Variants in LHPP observed in about 807,000 individuals in gnomAD.
LHPP encodes the protein hLHPP.
Under a neutral mutation model 30.3 loss-of-function variants are expected in LHPP, and 24 were observed. The observed-to-expected ratio is 0.79, with a 90% CI of 0.57 to 1.11. The LOEUF (loss-of-function observed/expected upper bound fraction) is 1.11, where lower values mean the gene tolerates loss of function less well. LHPP is among the 50% of genes most tolerant of loss of function. The pLI is 0.00. For synonymous variants in LHPP, 150 were observed against 157.1 expected, an observed-to-expected ratio of 0.95 and a Z score of 0.34; for missense variants, 356 against 367.2, an observed-to-expected ratio of 0.97 and a Z score of 0.25.
rs1048403149 is a variant in LHPP, at chr10:124,541,085, T to C, written c.716+23814T>C. On this transcript the variant is annotated intron_variant, in intron 6 of 6. Coordinates refer to ENST00000368842, the MANE Select transcript of LHPP (RefSeq NM_022126.4). This position sits in a 1 kb window ranked among gnomAD's most constrained non-coding sequence, Gnocchi z 4.2. ...GGAAGGGGCCCCCCAAATCACAAAG[T>C]GGCCCTGGGCCCTGGGATGGCCGGA... Among the ~76,000 whole-genome samples the C allele has an allele frequency of 6.6e-6, 1 of 152,176 alleles. No individual in the cohort carries two copies. The highest frequency in any genetic ancestry group is 2.4e-5 in the African/African-American group (1 of 41,430).
chr10:124,555,008 G>C (rs930439106), intron 6 of LHPP, among the ~76,000 whole-genome samples: 4 of 152,230 alleles, frequency 2.6e-5, no homozygotes, highest in African/African-American at 9.6e-5. Flanking sequence ...TGGCATTTTA[G>C]TCTCACTTTA....
intron 5 of LHPP, chr10:124,498,562 T>C: frequency 8.6e-7 from 1 of 1,168,212 alleles, no homozygotes; most frequent in Non-Finnish European, 1.2e-6. Flanking sequence ...TTCCAAATTT[T>C]AGAAAGGAAA....
chr10:124,489,265 G>A (rs890838585), intron 3 of LHPP, among the ~76,000 whole-genome samples: 3 of 152,220 alleles, frequency 2.0e-5, no homozygotes, highest in Admixed American at 6.5e-5. Context: ...CTATTTTGGT[G>A]TATGTCCTTG....
intron 6 of LHPP, among the ~76,000 whole-genome samples, chr10:124,573,901 T>G (rs973678881): frequency 6.6e-6 from 1 of 152,064 alleles, no homozygotes; most frequent in African/African-American, 2.4e-5. Context: ...ACGCTGATTT[T>G]GTTTACATGA....
At chr10:124,506,377 T>C (rs1954069625) in intron 5 of LHPP, among the ~76,000 whole-genome samples, 1 of 150,868 alleles carries the variant, frequency 6.6e-6, no homozygotes, top group Non-Finnish European at 1.5e-5. Flanking sequence ...CATCCCACTG[T>C]CCGCCCACTA....
At chr10:124,549,111 A>ATT (rs1299656434) in intron 6 of LHPP, among the ~76,000 whole-genome samples, 1 of 152,198 alleles carries the variant, frequency 6.6e-6, no homozygotes, top group Non-Finnish European at 1.5e-5. Context: ...CCACAAAACA[A>ATT]TTTTCCGCAA....
chr10:124,521,971 T>G (rs1954622164), intron 6 of LHPP, among the ~76,000 whole-genome samples: 1 of 152,108 alleles, frequency 6.6e-6, no homozygotes, highest in South Asian at 2.1e-4. Flanking sequence ...GGCAGTGAGA[T>G]CTCCTTGTCA....
intron 5 of LHPP, among the ~76,000 whole-genome samples, chr10:124,512,870 G>A (rs905142776): frequency 6.6e-6 from 1 of 152,066 alleles, no homozygotes; most frequent in Non-Finnish European, 1.5e-5. Flanking sequence ...CCCTCTTTCT[G>A]TGGTCCCCTT....
chr10:124,462,222 C>T lies in LHPP; in HGVS notation c.125+235C>T, dbSNP rs186729256. The stretch of plus-strand genomic sequence containing the variant: ...CTGCGCGGTCAGACAGGGCGGCCAC[C>T]TGGTACGTGCGCTGCTGAGCGCTTG... On this transcript the variant is annotated intron_variant, in intron 1 of 6. Transcript: ENST00000368842. 8.6e-4 allele frequency among the ~76,000 whole-genome samples: 131 copies of T among 152,326 alleles called. 2 individuals carry two copies. The East Asian group carries it at 0.018, about 21-fold the overall frequency.
chr10:124,496,880 G>A lies in LHPP; in HGVS notation c.468-81G>A, dbSNP rs1344389512. On this transcript the variant is annotated intron_variant, in intron 3 of 6. Transcript: ENST00000368842. The surrounding 1 kb of genome is among the most constrained non-coding windows in gnomAD (Gnocchi z 4.3). ...GCTCTGCAGCCAGCGGGACAGGCCC[G>A]GTGCTCAGCTCCCGATACTTAGCAT... The A allele has an allele frequency of 1.4e-5, 18 of 1,299,036 alleles. No individual in the cohort carries two copies. The East Asian group carries it at 1.9e-4, about 14-fold the overall frequency. 80.5% of individuals were successfully genotyped at this position (1,299,036 alleles called of 1,614,324 possible). A position where few individuals can be genotyped will look rare whatever the true frequency, so the allele number is the denominator to read the frequency against.
intron 6 of LHPP, among the ~76,000 whole-genome samples, chr10:124,603,765 G>T (rs1318188677): frequency 3.3e-5 from 5 of 152,136 alleles, no homozygotes; most frequent in Non-Finnish European, 7.4e-5. Flanking sequence ...GGCAGGAGGT[G>T]CCCTGGGCTG....
rs1474482032 is a variant in LHPP at position 124,541,860 on chromosome 10, C to T, written c.716+24589C>T. On this transcript the variant is annotated intron_variant, in intron 6 of 6. Transcript: ENST00000368842. This position sits in a 1 kb window ranked among gnomAD's most constrained non-coding sequence, Gnocchi z 4.2. The stretch of plus-strand genomic sequence containing the variant: ...CAGATGGGGTGACCTTTCCTTCACC[C>T]CTACTTCCCCACTGCAAGGGTGCTG... Among the ~76,000 whole-genome samples the T allele has an allele frequency of 6.6e-6, 1 of 152,232 alleles. No individual in the cohort carries two copies. The highest frequency in any genetic ancestry group is 1.9e-4 in the East Asian group (1 of 5,164).
At chr10:124,573,827 A>T (rs1948619851) in intron 6 of LHPP, among the ~76,000 whole-genome samples, 1 of 152,124 alleles carries the variant, frequency 6.6e-6, no homozygotes, top group African/African-American at 2.4e-5. Flanking sequence ...TTTGCAGCCA[A>T]GGAAAGTGAG....
At chr10:124,609,694 C>T (rs1458146467) in intron 6 of LHPP, among the ~76,000 whole-genome samples, 1 of 152,240 alleles carries the variant, frequency 6.6e-6, no homozygotes, top group African/African-American at 2.4e-5. Flanking sequence ...CCGTCCCACC[C>T]TCTGTCACTA....
At chr10:124,497,280 C>T (rs1340482483) in intron 4 of LHPP, among the ~76,000 whole-genome samples, 1 of 75,122 alleles carries the variant, frequency 1.3e-5, no homozygotes, top group African/African-American at 4.2e-5. Context: ...CCCATCCTCC[C>T]CATCCTCCCC....
intron 1 of LHPP, among the ~76,000 whole-genome samples, chr10:124,471,467 ATATAT>A: frequency 1.3e-3 from 4 of 3,192 alleles, no homozygotes; most frequent in African/African-American, 1.5e-3. Context: ...ATATATATTT[ATATAT>A]TATATATATT....
Position 124,609,127 on chromosome 10 carries a change from T to C in LHPP, c.717-4137T>C, listed in dbSNP as rs77686727. ...GTTACCACTTCAGGCTCTGCCAGCT[T>C]CCATTTGGTCTCTCTTGCATATTAC... On this transcript the variant is annotated intron_variant, in intron 6 of 6. Coordinates refer to ENST00000368842, the MANE Select transcript of LHPP (RefSeq NM_022126.4). Among the ~76,000 whole-genome samples the C allele has an allele frequency of 7.0e-3, 1,064 of 152,364 alleles. 10 individuals are homozygous for C. Among genetic ancestry groups the C allele is most frequent in the African/African-American group, 0.024 (1,011 of 41,580 alleles).
intron 3 of LHPP, chr10:124,489,870 G>T: frequency 4.9e-6 from 1 of 204,234 alleles, no homozygotes; most frequent in South Asian, 7.3e-5. Context: ...CCTGTAAACT[G>T]AAATTCGGTT....
intron 6 of LHPP, among the ~76,000 whole-genome samples, chr10:124,555,374 G>C (rs1299445940): frequency 1.3e-5 from 2 of 152,186 alleles, no homozygotes; most frequent in Non-Finnish European, 2.9e-5. Flanking sequence ...GCTCCTCCCT[G>C]GAGGAAGGGA....
Sources: allele counts gnomAD v4.1 joint callset (sites outside exome capture counted in the v4.1 genomes callset), GRCh38; gene constraint gnomAD v4.1.1; non-coding constraint Gnocchi (gnomAD v3.1); transcripts MANE v1.5; gene names NCBI Gene and HGNC (gene_info 2026-07-23, HGNC 2026-07-21).